Variants in TAF3 observed in about 807,000 individuals in gnomAD.
The protein encoded by TAF3 is transcription initiation factor TFIID subunit 3.
In TAF3, 7 loss-of-function variants were observed where a neutral mutation model predicts 80.6. The ratio of observed to expected loss-of-function variants is 0.09; its 90% CI spans 0.05 to 0.16. TAF3 has a LOEUF of 0.16. TAF3 is among the 10% of genes least tolerant of loss of function. The pLI, the probability that TAF3 is intolerant of heterozygous loss-of-function variation, is 1.00. For synonymous variants in TAF3, 444 were observed against 446.1 expected (o/e 1.00, Z 0.06); for missense variants, 921 against 1,140.2 (o/e 0.81, Z 2.77).
intron 2 of TAF3, among the ~76,000 whole-genome samples, chr10:7,850,137 A>G (rs1336875665): frequency 1.3e-5 from 2 of 152,260 alleles, no homozygotes; most frequent in African/African-American, 2.4e-5. Flanking sequence ...TGCATAGCCA[A>G]TAGCAACAAA....
chr10:7,873,626 C>CT (rs563815963), intron 2 of TAF3, among the ~76,000 whole-genome samples: 29,043 of 146,878 alleles, frequency 0.2, 3,792 homozygotes, highest in South Asian at 0.27. Context: ...CTCCCCCCCC[C>CT]CCCGTCAAAA....
chr10:7,928,207 A>G (rs533446953), intron 2 of TAF3, among the ~76,000 whole-genome samples: 25 of 152,322 alleles, frequency 1.6e-4, no homozygotes, highest in African/African-American at 4.8e-4. Flanking sequence ...ACTGTTTTGT[A>G]TATTCCACTA....
At chr10:7,956,217 C>T (rs190201074) in intron 2 of TAF3, among the ~76,000 whole-genome samples, 8 of 152,216 alleles carry the variant, frequency 5.3e-5, no homozygotes, top group Admixed American at 2.0e-4. Context: ...AGGCCGGGCG[C>T]GGTGTCTCAC....
At chr10:7,901,799 G>C (rs759619093) in intron 2 of TAF3, among the ~76,000 whole-genome samples, 2 of 152,110 alleles carry the variant, frequency 1.3e-5, no homozygotes, top group African/African-American at 2.4e-5. Flanking sequence ...AGGCTGTGAC[G>C]GTCACATTTA....
At chr10:7,942,174 G>A (rs1460012700) in intron 2 of TAF3, among the ~76,000 whole-genome samples, 1 of 152,168 alleles carries the variant, frequency 6.6e-6, no homozygotes, top group Non-Finnish European at 1.5e-5. Flanking sequence ...CTCTGTGAGA[G>A]CCAGGGAAAA....
chr10:7,925,798 C>CAAAAAAAAAAAA (rs375690990), intron 2 of TAF3, among the ~76,000 whole-genome samples: 1 of 71,014 alleles, frequency 1.4e-5, no homozygotes, highest in Non-Finnish European at 2.7e-5. Flanking sequence ...AACTCCATCT[C>CAAAAAAAAAAAA]AAAAAAAAAA....
At chr10:7,989,206 G>T (rs1299151340) in intron 4 of TAF3, among the ~76,000 whole-genome samples, 1 of 152,208 alleles carries the variant, frequency 6.6e-6, no homozygotes, top group Non-Finnish European at 1.5e-5. Flanking sequence ...TGCCTGTGGA[G>T]ACACGGTGGC....
At chr10:7,910,954 A>T (rs1837651865) in intron 2 of TAF3, among the ~76,000 whole-genome samples, 1 of 152,198 alleles carries the variant, frequency 6.6e-6, no homozygotes, top group Non-Finnish European at 1.5e-5. Context: ...TTCACCTGTG[A>T]TGTAGAGCTC....
chr10:7,882,631 T>A (rs2131155764), intron 2 of TAF3, among the ~76,000 whole-genome samples: 1 of 152,290 alleles, frequency 6.6e-6, no homozygotes, highest in East Asian at 1.9e-4. Context: ...GGAAGAATTC[T>A]CCAACAGTCA....
intron 4 of TAF3, among the ~76,000 whole-genome samples, chr10:7,983,844 C>CAATA (rs113211341): frequency 0.073 from 11,034 of 150,652 alleles, 989 homozygotes; most frequent in African/African-American, 0.21. Flanking sequence ...GTCTCTAAAA[C>CAATA]AATAAATAAA....
At chr10:7,929,176 C>T (rs565994141) in intron 2 of TAF3, among the ~76,000 whole-genome samples, 1 of 151,790 alleles carries the variant, frequency 6.6e-6, no homozygotes, top group African/African-American at 2.4e-5. Flanking sequence ...TTCAACTATA[C>T]TGTACTATAG....
At chr10:7,833,848 C>A in intron 2 of TAF3, 1 of 799,504 alleles carries the variant, frequency 1.3e-6, no homozygotes, top group South Asian at 4.3e-5. Context: ...TTCCTGGGGA[C>A]CGAGGGCTTC....
At chr10:7,913,763 C>T (rs1306512523) in intron 2 of TAF3, among the ~76,000 whole-genome samples, 2 of 152,170 alleles carry the variant, frequency 1.3e-5, no homozygotes, top group Non-Finnish European at 1.5e-5. Context: ...TTTAGGGATA[C>T]AGTAAGAGGT....
intron 2 of TAF3, among the ~76,000 whole-genome samples, chr10:7,877,529 A>G (rs1387329693): frequency 6.6e-6 from 1 of 152,218 alleles, no homozygotes; most frequent in Non-Finnish European, 1.5e-5. Context: ...CTAAATATTT[A>G]GAATATGAAT....
intron 2 of TAF3, among the ~76,000 whole-genome samples, chr10:7,961,144 A>T (rs1211403296): frequency 6.6e-6 from 1 of 152,194 alleles, no homozygotes; most frequent in Non-Finnish European, 1.5e-5. Context: ...GAATATTGAT[A>T]TTAACAAGAC....
At chr10:7,973,496 C>T (rs189258735) in intron 3 of TAF3, among the ~76,000 whole-genome samples, 1 of 152,238 alleles carries the variant, frequency 6.6e-6, no homozygotes, top group Admixed American at 6.5e-5. Context: ...CATTCCGTCT[C>T]AGTTTTGCTA....
chr10:7,925,659 G>A (rs1446167521), intron 2 of TAF3, among the ~76,000 whole-genome samples: 1 of 151,774 alleles, frequency 6.6e-6, no homozygotes, highest in Non-Finnish European at 1.5e-5. Flanking sequence ...CAAAAAATTA[G>A]GCATGATGGT....
At position 7,860,891 on chromosome 10, in the gene TAF3, C is replaced by T. The variant is rs558173117; in HGVS notation, c.409+36331C>T. Among the ~76,000 whole-genome samples the T allele has an allele frequency of 4.8e-5, 7 of 147,360 alleles. No individual in the cohort carries two copies. In the South Asian group the frequency reaches 1.5e-3, roughly 32 times the overall value. On this transcript the variant is annotated intron_variant, in intron 2 of 6. Transcript: ENST00000344293. ...CTCGGGTCGCTGCAACCTCTGCCTC[C>T]TGGGTTCAAGCAATTCTCTGCTTCA...
chr10:7,904,011 G>T (rs970550551), intron 2 of TAF3, among the ~76,000 whole-genome samples: 3 of 152,186 alleles, frequency 2.0e-5, no homozygotes, highest in Admixed American at 6.5e-5. Flanking sequence ...AAGTTTCACG[G>T]TGCGTCTGAG....
Sources: gnomAD v4.1 joint callset for allele counts (sites outside exome capture counted in the v4.1 genomes callset) on GRCh38, gnomAD v4.1.1 for gene constraint, MANE v1.5 for transcripts, NCBI Gene and HGNC (gene_info 2026-07-23, HGNC 2026-07-21) for gene names.